Variants in CNTN5 observed in about 807,000 individuals in gnomAD.
The protein encoded by CNTN5 is contactin 5, also known as contactin-5.
Under a neutral mutation model 129.1 loss-of-function variants are expected in CNTN5, and 77 were observed. That is an observed-to-expected ratio of 0.60 (90% CI 0.50 to 0.72). CNTN5 has a LOEUF of 0.72. CNTN5 is among the 30% of genes least tolerant of loss of function. The pLI is 0.00. For synonymous variants in CNTN5, 509 were observed against 465.6 expected, an observed-to-expected ratio of 1.09 and a Z score of -1.20; for missense variants, 1,478 against 1,328.8, an observed-to-expected ratio of 1.11 and a Z score of -1.75.
chr11:99,917,649 T>A (rs1949828496), intron 7 of CNTN5, among the ~76,000 whole-genome samples: 1 of 152,146 alleles, frequency 6.6e-6, no homozygotes, highest in African/African-American at 2.4e-5. Context: ...CAAGATTTTC[T>A]GAGATATGAT....
At chr11:100,287,146 G>C (rs1317958013) in intron 18 of CNTN5, among the ~76,000 whole-genome samples, 2 of 152,214 alleles carry the variant, frequency 1.3e-5, no homozygotes, top group Admixed American at 6.5e-5. Context: ...GTACCTGAAA[G>C]TGTTGGGGAG....
intron 1 of CNTN5, among the ~76,000 whole-genome samples, chr11:99,099,558 AC>A (rs1673214330): frequency 7.5e-6 from 1 of 134,134 alleles, no homozygotes; most frequent in Non-Finnish European, 1.6e-5. Flanking sequence ...ATACACACAC[AC>A]ACACACACAC....
chr11:99,712,031 G>A (rs1359549401), intron 3 of CNTN5, among the ~76,000 whole-genome samples: 1 of 152,004 alleles, frequency 6.6e-6, no homozygotes, highest in Non-Finnish European at 1.5e-5. Flanking sequence ...GGTACTTCTA[G>A]TTCCACATTC....
chr11:99,314,744 G>T (rs1865267792), intron 1 of CNTN5, among the ~76,000 whole-genome samples: 1 of 149,368 alleles, frequency 6.7e-6, no homozygotes, highest in Non-Finnish European at 1.5e-5. Context: ...AGGAAGAGAG[G>T]GGAGGAGAAA....
At chr11:99,639,856 G>A (rs187472272) in intron 3 of CNTN5, among the ~76,000 whole-genome samples, 63 of 152,116 alleles carry the variant, frequency 4.1e-4, no homozygotes, top group African/African-American at 1.3e-3. Flanking sequence ...GAGCCACCAC[G>A]TCAGTCCCAA....
In CNTN5 at chr11:100,203,952, A is replaced by T. The variant is rs142448071; in HGVS notation, c.1884+10289A>T. 5.8e-3 allele frequency among the ~76,000 whole-genome samples: 883 copies of T among 151,810 alleles called. 8 individuals are homozygous for T. The highest frequency in any genetic ancestry group is 9.3e-3 in the Non-Finnish European group (634 of 67,908). On this transcript the variant is annotated intron_variant, in intron 15 of 24. Coordinates refer to ENST00000524871, the MANE Select transcript of CNTN5 (RefSeq NM_014361.4). ...GAAAATATCATGTTCTCACATGCTG[A>T]CCCACTGCCAAGAATACTCTTCCCT... is the stretch of plus-strand genomic sequence containing the variant.
chr11:99,683,953 G>A (rs1264015412), intron 3 of CNTN5, among the ~76,000 whole-genome samples: 2 of 151,560 alleles, frequency 1.3e-5, no homozygotes, highest in Non-Finnish European at 3.0e-5. Context: ...TTTGGTGACG[G>A]AAACAATACT....
intron 1 of CNTN5, among the ~76,000 whole-genome samples, chr11:99,294,872 C>T (rs374937032): frequency 5.9e-5 from 9 of 152,278 alleles, no homozygotes; most frequent in African/African-American, 2.2e-4. Context: ...CACATGTCCA[C>T]TCTTTTATGG....
At chr11:99,783,262 A>G in intron 3 of CNTN5, among the ~76,000 whole-genome samples, 1 of 99,826 alleles carries the variant, frequency 1.0e-5, no homozygotes, top group Non-Finnish European at 2.0e-5. Context: ...AATCAAAACC[A>G]CAATGAGATA....
chr11:99,583,206 C>T (rs113833127), intron 3 of CNTN5, among the ~76,000 whole-genome samples: 8 of 152,240 alleles, frequency 5.3e-5, no homozygotes, highest in South Asian at 2.1e-4. Context: ...GAGGAGTACC[C>T]GGCCGTGTGA....
rs12226577 is a variant in CNTN5 at position 99,467,131 on chromosome 11, C to A, written c.-70-89014C>A. ...AGAATTTTGAAGATAATTTCATTTT[C>A]TCTGAAGAGACACAGTGTTTTTTTA... On this transcript the variant is annotated intron_variant, in intron 2 of 24. Coordinates refer to ENST00000524871, the MANE Select transcript of CNTN5 (RefSeq NM_014361.4). Among the ~76,000 whole-genome samples the A allele has an allele frequency of 3.3e-3, 504 of 152,176 alleles. 13 individuals carry two copies. The highest frequency in any genetic ancestry group is 0.013 in the East Asian group (67 of 5,180).
intron 9 of CNTN5, among the ~76,000 whole-genome samples, chr11:100,045,663 G>A (rs1347742471): frequency 6.6e-6 from 1 of 151,318 alleles, no homozygotes; most frequent in Admixed American, 6.6e-5. Context: ...GGAAACCAGT[G>A]GTCGGTGGGA....
intron 3 of CNTN5, among the ~76,000 whole-genome samples, chr11:99,588,280 C>T (rs932537975): frequency 2.1e-5 from 3 of 140,676 alleles, no homozygotes; most frequent in Admixed American, 7.8e-5. Flanking sequence ...GGAGGCAGAG[C>T]TTGCCGTGAG....
chr11:99,932,316 C>A (rs1297810028), intron 7 of CNTN5, among the ~76,000 whole-genome samples: 2 of 152,122 alleles, frequency 1.3e-5, no homozygotes, highest in Non-Finnish European at 2.9e-5. Flanking sequence ...CCTCAGCCTT[C>A]TGAGTAGCTG....
chr11:99,083,617 T>A (rs1369123697), intron 1 of CNTN5, among the ~76,000 whole-genome samples: 3 of 152,210 alleles, frequency 2.0e-5, no homozygotes, highest in Non-Finnish European at 4.4e-5. Flanking sequence ...ATAACTTTTA[T>A]GTGGGTATAT....
At chr11:100,046,345 T>C (rs1942675276) in intron 9 of CNTN5, among the ~76,000 whole-genome samples, 1 of 152,196 alleles carries the variant, frequency 6.6e-6, no homozygotes, top group Non-Finnish European at 1.5e-5. Context: ...CATGATATTC[T>C]CCAATCCCAT....
intron 2 of CNTN5, among the ~76,000 whole-genome samples, chr11:99,395,576 G>A (rs895993023): frequency 1.3e-5 from 2 of 151,266 alleles, no homozygotes; most frequent in African/African-American, 4.8e-5. Flanking sequence ...TTTACTTTTG[G>A]TGCCATTGCT....
Position 99,420,980 on chromosome 11 carries a change from T to C in CNTN5, c.-71+95496T>C, listed in dbSNP as rs1195552197. ...TCGGAAGCATGGATAGCAGGGCCCTTCTTTCAGGCATCTTCTTCTCATTCT... is the reference window on the plus strand; with the variant it reads ...TCGGAAGCATGGATAGCAGGGCCCTCCTTTCAGGCATCTTCTTCTCATTCT... On this transcript the variant is annotated intron_variant, in intron 2 of 24. Transcript: ENST00000524871. Among the ~76,000 whole-genome samples the C allele has an allele frequency of 2.6e-5, 4 of 152,286 alleles. No individual in the cohort carries two copies. The East Asian group carries it at 7.7e-4, about 29-fold the overall frequency.
chr11:100,110,304 A>G (rs1945609009), intron 13 of CNTN5, among the ~76,000 whole-genome samples: 3 of 152,068 alleles, frequency 2.0e-5, no homozygotes, highest in Admixed American at 2.0e-4. Context: ...AGTAAATTGT[A>G]CTAGAGTGAC....
Sources: allele counts gnomAD v4.1 joint callset (sites outside exome capture counted in the v4.1 genomes callset), GRCh38; gene constraint gnomAD v4.1.1; transcripts MANE v1.5; gene names NCBI Gene and HGNC (gene_info 2026-07-23, HGNC 2026-07-21).